Variants in FADS1 observed in about 807,000 individuals in gnomAD.
FADS1 encodes acyl-CoA (8-3)-desaturase.
In FADS1, 17 loss-of-function variants were observed where a neutral mutation model predicts 61.6. That is an observed-to-expected ratio of 0.28 (90% CI 0.19 to 0.41). The LOEUF (loss-of-function observed/expected upper bound fraction) is 0.41. FADS1 is among the 10% of genes least tolerant of loss of function. FADS1 has a pLI of 1.00. For synonymous variants in FADS1, 238 were observed against 258.7 expected, an observed-to-expected ratio of 0.92 and a Z score of 0.77; for missense variants, 387 against 650.9, an observed-to-expected ratio of 0.59 and a Z score of 4.41.
rs527964264 is a variant in FADS1 at position 61,799,960 on chromosome 11, T to C, written c.*2451A>G. On this transcript the variant is annotated 3_prime_UTR_variant, in exon 12 of 12. Coordinates refer to ENST00000350997, the MANE Select transcript of FADS1 (RefSeq NM_013402.7). Reference sequence around the variant, plus strand: ...TTTGTGGCCATGTAAGAGACCACACTGCTGTAGGCTGAGAAGGCCACAGTG... The same window carrying C: ...TTTGTGGCCATGTAAGAGACCACACCGCTGTAGGCTGAGAAGGCCACAGTG... The C allele has an allele frequency of 6.5e-6, 1 of 152,924 alleles. No homozygotes were observed. Among genetic ancestry groups the C allele is most frequent in the Non-Finnish European group, 1.5e-5 (1 of 68,036 alleles). The allele number at this position is 152,924 out of a possible 1,614,324, so 9.5% of individuals were successfully genotyped here.
In FADS1 at chr11:61,816,086, G is replaced by A. The variant is rs2066979006; in HGVS notation, c.375+469C>T. 1 of 610,950 alleles carries A rather than the reference G, an allele frequency of 1.6e-6. No homozygotes were observed. Among genetic ancestry groups the A allele is most frequent in the African/African-American group, 1.9e-5 (1 of 53,896 alleles). The allele number at this position is 610,950 out of a possible 1,614,324, so 37.8% of individuals were successfully genotyped here. A position where few individuals can be genotyped will look rare whatever the true frequency, so the allele number is the denominator to read the frequency against. ...TTCCTGCTCCCTCTCCGCTCCTGCT[G>A]GCGAGTGGAGACCGGCACCTAGGTC... On this transcript the variant is annotated intron_variant, in intron 1 of 11. Transcript: ENST00000350997. The surrounding 1 kb of genome is among the most constrained non-coding windows in gnomAD (Gnocchi z 7.0).
At chr11:61,811,103 C>T (rs778742128) in intron 3 of FADS1, 28 bp from the exon 4 acceptor site, 13 of 1,546,752 alleles carry the variant, frequency 8.4e-6, no homozygotes, top group Non-Finnish European at 1.2e-5. Context: ...ACACTGAGAG[C>T]AGCCCACCAG....
In FADS1 at chr11:61,802,681, G is replaced by T; in HGVS notation, c.1454+120C>A. On this transcript the variant is annotated intron_variant, in intron 11 of 11. Coordinates refer to ENST00000350997, the MANE Select transcript of FADS1 (RefSeq NM_013402.7). This position sits in a 1 kb window ranked among gnomAD's most constrained non-coding sequence, Gnocchi z 4.2. ...TAAAGAATCCTGCCTTTGCCATGGT[G>T]AACTCCATCCCACACGACTGGGAAC... The T allele has an allele frequency of 1.4e-6, 2 of 1,453,484 alleles. No homozygotes were observed. The highest frequency in any genetic ancestry group is 1.9e-6 in the Non-Finnish European group (2 of 1,051,868). The allele number at this position is 1,453,484 out of a possible 1,614,324, so 90.0% of individuals were successfully genotyped here.
chr11:61,809,810 TAAG>T (rs1413020731), intron 5 of FADS1, among the ~76,000 whole-genome samples: 1 of 152,058 alleles, frequency 6.6e-6, no homozygotes, highest in Non-Finnish European at 1.5e-5. Context: ...GATGGGAAAA[TAAG>T]AACATTATGG....
In FADS1 at chr11:61,816,876, C is replaced by T. The variant is rs747092937; in HGVS notation, c.54G>A (p.Pro18=). Residue 18 remains proline, a synonymous_variant, in exon 1 of 12, where the codon CCG becomes CCA. Transcript: ENST00000350997. This position sits in a 1 kb window ranked among gnomAD's most constrained non-coding sequence, Gnocchi z 7.0. ...CGCCCAGAGCCAGCCGCCTGCGCGC[C>T]GGGTTTTCAGCACCGCAGGGCAGAC... ...PAGLPCGAEN[P]ARRRLALGAR... The T allele has an allele frequency of 2.2e-5, 32 of 1,476,878 alleles. 1 individual carries two copies. In the South Asian group the frequency reaches 2.3e-4, roughly 11 times the overall value. The allele number at this position is 1,476,878 out of a possible 1,614,324, so 91.5% of individuals were successfully genotyped here.
chr11:61,804,108 C>G, intron 7 of FADS1: 1 of 332,330 alleles, frequency 3.0e-6, no homozygotes, highest in Non-Finnish European at 5.6e-6. Flanking sequence ...GATCAAATCT[C>G]TCATCACTGA....
chr11:61,810,433 G>A (rs1488268219), intron 5 of FADS1, among the ~76,000 whole-genome samples: 1 of 152,158 alleles, frequency 6.6e-6, no homozygotes, highest in East Asian at 1.9e-4. Flanking sequence ...CCTCCAGGAG[G>A]TGCCATCAGC....
intron 1 of FADS1, chr11:61,814,461 G>A (rs993807992): frequency 1.3e-5 from 2 of 152,330 alleles, no homozygotes; most frequent in African/African-American, 2.4e-5. Context: ...GGGCTGTGTC[G>A]GGCGTTGGTT....
In FADS1 at chr11:61,803,704, G is replaced by GC; in HGVS notation, c.1116dup (p.Leu373AlafsTer33). ...AAGAAAAGGCCCAGGAAGGCTTTCAGCCCCAATAGTGGCACATAAGTGAGG... is the reference window on the plus strand; with the variant it reads ...AAGAAAAGGCCCAGGAAGGCTTTCAGCCCCCAATAGTGGCACATAAGTGAGG... On this transcript the variant is annotated frameshift_variant, in exon 8 of 12. Coordinates refer to ENST00000350997, the MANE Select transcript of FADS1 (RefSeq NM_013402.7). LOFTEE classifies it high-confidence loss of function. This position sits in a 1 kb window ranked among gnomAD's most constrained non-coding sequence, Gnocchi z 4.3. 1 of 1,613,900 alleles carries GC rather than the reference G, an allele frequency of 6.2e-7. No individual in the cohort carries two copies. The highest frequency in any genetic ancestry group is 1.1e-5 in the South Asian group (1 of 91,076).
Position 61,803,652 on chromosome 11 carries a change from GC to G in FADS1, c.1151+17del. ...ACATTTCCTTCACCAGTCCCTATCCGCCCCCACCGAATACTACCTGACTATG... is the reference window on the plus strand; with the variant it reads ...ACATTTCCTTCACCAGTCCCTATCCGCCCCACCGAATACTACCTGACTATG... On this transcript the variant is annotated intron_variant, in intron 8 of 11. Coordinates refer to ENST00000350997, the MANE Select transcript of FADS1 (RefSeq NM_013402.7). This position sits in a 1 kb window ranked among gnomAD's most constrained non-coding sequence, Gnocchi z 4.3. 6.3e-7 allele frequency: 1 copy of G among 1,585,598 alleles called. No individual in the cohort carries two copies. The highest frequency in any genetic ancestry group is 8.7e-7 in the Non-Finnish European group (1 of 1,154,134).
chr11:61,811,118 A>G (rs776642499), intron 3 of FADS1, 43 bp from the exon 4 acceptor site: 6 of 1,496,806 alleles, frequency 4.0e-6, no homozygotes, highest in Non-Finnish European at 5.5e-6. Flanking sequence ...CACCAGCCCC[A>G]GTGTCGCCTT....
Position 61,811,586 on chromosome 11 carries a change from G to A in FADS1, c.685-511C>T, listed in dbSNP as rs138012803. 7.7e-3 allele frequency among the ~76,000 whole-genome samples: 1,164 copies of A among 151,246 alleles called. 3 individuals are homozygous for A. The highest frequency in any genetic ancestry group is 0.021 in the Middle Eastern group (6 of 288). On this transcript the variant is annotated intron_variant, in intron 3 of 11. Coordinates refer to ENST00000350997, the MANE Select transcript of FADS1 (RefSeq NM_013402.7). ...CTCCCAAACTGCTGGGATAACAGGCGTGAGCCACCATACCTGGCCTGTTTT... is the reference window on the plus strand; with the variant it reads ...CTCCCAAACTGCTGGGATAACAGGCATGAGCCACCATACCTGGCCTGTTTT...
intron 2 of FADS1, 136 bp downstream of exon 2, chr11:61,813,107 C>T (rs1000076529): frequency 1.8e-5 from 13 of 720,048 alleles, no homozygotes; most frequent in Middle Eastern, 2.4e-4. Flanking sequence ...GCAAGAGAAG[C>T]AGGGACCTCA....
intron 5 of FADS1, among the ~76,000 whole-genome samples, chr11:61,808,084 C>A (rs1182430705): frequency 6.6e-6 from 1 of 152,114 alleles, no homozygotes; most frequent in Non-Finnish European, 1.5e-5. Flanking sequence ...GCCTGTAATC[C>A]CAGCACTTTG....
chr11:61,806,650 A>T lies in FADS1; in HGVS notation c.976+14T>A. ...TCCTGAGGCAGCTCCCCTGTGTTGG[A>T]TGGGGACACTCACTTAGGAAGAAGT... On this transcript the variant is annotated intron_variant, in intron 6 of 11. Coordinates refer to ENST00000350997, the MANE Select transcript of FADS1 (RefSeq NM_013402.7). 1 of 1,611,454 alleles carries T rather than the reference A, an allele frequency of 6.2e-7. No individual in the cohort carries two copies. Among genetic ancestry groups the T allele is most frequent in the Non-Finnish European group, 8.5e-7 (1 of 1,177,598 alleles).
intron 6 of FADS1, chr11:61,805,591 C>A (rs1244383628): frequency 6.6e-6 from 1 of 152,186 alleles, no homozygotes; most frequent in African/African-American, 2.4e-5. Context: ...GCCCCATCGC[C>A]TTTCTCTATT....
At chr11:61,806,580 T>C (rs1196169085) in intron 6 of FADS1, 84 bp downstream of exon 6, 26 of 1,258,514 alleles carry the variant, frequency 2.1e-5, no homozygotes, top group African/African-American at 1.5e-5. Context: ...TAAAATACCA[T>C]AATCCCTTGG....
intron 2 of FADS1, 70 bp from the exon 3 acceptor site, chr11:61,812,738 C>T: frequency 6.9e-7 from 1 of 1,444,170 alleles, no homozygotes; most frequent in Non-Finnish European, 9.5e-7. Flanking sequence ...CAAGGGCCCT[C>T]TCAGGCTCAA....
intron 5 of FADS1, among the ~76,000 whole-genome samples, chr11:61,809,644 G>A (rs1039850719): frequency 1.3e-5 from 2 of 152,154 alleles, no homozygotes; most frequent in Non-Finnish European, 2.9e-5. Flanking sequence ...TGTAGTGACA[G>A]TAGAAATGCA....
Sources: gnomAD v4.1 joint callset for allele counts (sites outside exome capture counted in the v4.1 genomes callset) on GRCh38, gnomAD v4.1.1 for gene constraint, Gnocchi (gnomAD v3.1) non-coding constraint, MANE v1.5 for transcripts, NCBI Gene and HGNC (gene_info 2026-07-23, HGNC 2026-07-21) for gene names.